The following SLCO3A1 variants were observed in gnomAD, a reference collection of about 807,000 sequenced individuals.
The protein encoded by SLCO3A1 is PGE1 transporter.
A neutral mutation model predicts 63.1 loss-of-function variants in SLCO3A1; 27 were observed. The observed-to-expected ratio is 0.43, with a 90% CI of 0.32 to 0.59. The LOEUF is 0.59. Among genes scored for constraint, SLCO3A1 ranks in the 20% least tolerant of loss-of-function variants. The pLI, the probability that SLCO3A1 is intolerant of heterozygous loss-of-function variation, is 0.09. For missense variants in SLCO3A1, 773 were observed against 945.8 expected (o/e 0.82, Z 2.40); for synonymous variants, 473 against 409.9 (o/e 1.15, Z -1.86).
rs1897086115 is a variant in SLCO3A1, at chr15:91,863,103, T to A, written c.180+9015T>A. On this transcript the variant is annotated intron_variant, in intron 1 of 9. Coordinates refer to ENST00000318445, the MANE Select transcript of SLCO3A1 (RefSeq NM_013272.4). This position sits in a 1 kb window ranked among gnomAD's most constrained non-coding sequence, Gnocchi z 4.3. The stretch of plus-strand genomic sequence containing the variant: ...GAATTCCCTTAATGAAGATGAAAAT[T>A]TCTAAGCAGCATGGACCCATATGTG... 6.6e-6 allele frequency among the ~76,000 whole-genome samples: 1 copy of A among 152,242 alleles called. No homozygotes were observed. Among genetic ancestry groups the A allele is most frequent in the Non-Finnish European group, 1.5e-5 (1 of 68,042 alleles).
intron 1 of SLCO3A1, among the ~76,000 whole-genome samples, chr15:91,898,247 A>G (rs755218475): frequency 6.6e-6 from 1 of 152,230 alleles, no homozygotes; most frequent in Non-Finnish European, 1.5e-5. Flanking sequence ...ACTGAGGTAA[A>G]GAAGGCCTTG....
In SLCO3A1 at chr15:91,940,516, G is replaced by A. The variant is rs151116127; in HGVS notation, c.646+24058G>A. 7.7e-3 allele frequency among the ~76,000 whole-genome samples: 1,172 copies of A among 152,322 alleles called. 12 individuals carry two copies. Among genetic ancestry groups the A allele is most frequent in the African/African-American group, 0.026 (1,071 of 41,574 alleles). On this transcript the variant is annotated intron_variant, in intron 2 of 9. Coordinates refer to ENST00000318445, the MANE Select transcript of SLCO3A1 (RefSeq NM_013272.4). Reference sequence around the variant, plus strand: ...TTTCTGTGCTTACAGAAATGAATCAGTTGGCATAGTGAATTTCAAATCAGT... The same window carrying A: ...TTTCTGTGCTTACAGAAATGAATCAATTGGCATAGTGAATTTCAAATCAGT...
chr15:91,945,557 G>C (rs1649290160), intron 2 of SLCO3A1, among the ~76,000 whole-genome samples: 1 of 152,212 alleles, frequency 6.6e-6, no homozygotes, highest in Non-Finnish European at 1.5e-5. Flanking sequence ...CATATGCAAA[G>C]GTCCTGTGGC....
intron 2 of SLCO3A1, among the ~76,000 whole-genome samples, chr15:92,000,829 C>G (rs1327603420): frequency 6.6e-6 from 1 of 152,176 alleles, no homozygotes; most frequent in Non-Finnish European, 1.5e-5. Flanking sequence ...CCTGTGTGCA[C>G]ACACGCTTGT....
chr15:92,026,848 G>A (rs1018607349), intron 2 of SLCO3A1, among the ~76,000 whole-genome samples: 5 of 152,134 alleles, frequency 3.3e-5, no homozygotes, highest in Admixed American at 6.5e-5. Context: ...CAGCATTTTC[G>A]GAGGCCAAGG....
At chr15:92,162,126 C>A (rs1366613960) in intron 9 of SLCO3A1, 1 of 128,714 alleles carries the variant, frequency 7.8e-6, no homozygotes, top group African/African-American at 2.9e-5. Flanking sequence ...ACACACTGTT[C>A]TAGATGCTTT....
chr15:92,068,500 T>C (rs2047177917), intron 2 of SLCO3A1, among the ~76,000 whole-genome samples: 1 of 152,206 alleles, frequency 6.6e-6, no homozygotes, highest in Admixed American at 6.5e-5. Context: ...CCACTTCATA[T>C]TGCAAACCTG....
chr15:91,883,023 A>C lies in SLCO3A1; in HGVS notation c.180+28935A>C, dbSNP rs930035561. On this transcript the variant is annotated intron_variant, in intron 1 of 9. Coordinates refer to ENST00000318445, the MANE Select transcript of SLCO3A1 (RefSeq NM_013272.4). This position sits in a 1 kb window ranked among gnomAD's most constrained non-coding sequence, Gnocchi z 4.8. The stretch of plus-strand genomic sequence containing the variant: ...TGGGACAGCAGCCACCATGCAAGCC[A>C]GGCAGGCGCCATCCACTGTAAACAG... Among the ~76,000 whole-genome samples the C allele has an allele frequency of 5.9e-5, 9 of 152,230 alleles. No homozygotes were observed. Among genetic ancestry groups the C allele is most frequent in the African/African-American group, 2.2e-4 (9 of 41,454 alleles).
chr15:91,951,568 T>C (rs1461687548), intron 2 of SLCO3A1, among the ~76,000 whole-genome samples: 1 of 151,242 alleles, frequency 6.6e-6, no homozygotes, highest in Non-Finnish European at 1.5e-5. Context: ...CTTTTTTTTT[T>C]TTTTTGAGAC....
intron 2 of SLCO3A1, among the ~76,000 whole-genome samples, chr15:92,077,032 C>T (rs1042554152): frequency 1.3e-5 from 2 of 152,210 alleles, no homozygotes; most frequent in African/African-American, 4.8e-5. Context: ...GAAGCAATCA[C>T]TTCCTTCTTC....
At chr15:91,974,661 A>G (rs1473672157) in intron 2 of SLCO3A1, among the ~76,000 whole-genome samples, 1 of 152,156 alleles carries the variant, frequency 6.6e-6, no homozygotes, top group African/African-American at 2.4e-5. Context: ...CCCAGGGAGC[A>G]GAGAATTGGG....
chr15:91,920,246 G>A (rs1280678810), intron 2 of SLCO3A1, among the ~76,000 whole-genome samples: 5 of 152,296 alleles, frequency 3.3e-5, no homozygotes, highest in Non-Finnish European at 5.9e-5. Context: ...GTATGTCTGG[G>A]ATCTGCTCAC....
intron 2 of SLCO3A1, among the ~76,000 whole-genome samples, chr15:91,928,276 C>G (rs1378861849): frequency 6.6e-6 from 1 of 152,226 alleles, no homozygotes; most frequent in African/African-American, 2.4e-5. Context: ...GCTGTTATGA[C>G]ATACAGACAA....
intron 5 of SLCO3A1, among the ~76,000 whole-genome samples, chr15:92,125,145 C>G (rs570899066): frequency 6.6e-6 from 1 of 152,284 alleles, no homozygotes; most frequent in East Asian, 1.9e-4. Flanking sequence ...TTTGCATTCC[C>G]TTAGCACATA....
At chr15:92,029,968 T>C (rs1030081107) in intron 2 of SLCO3A1, among the ~76,000 whole-genome samples, 1 of 152,096 alleles carries the variant, frequency 6.6e-6, no homozygotes, top group Non-Finnish European at 1.5e-5. Context: ...GCCTGCCGGC[T>C]CAGTCTGGCT....
chr15:92,055,798 T>C (rs769565809), intron 2 of SLCO3A1, among the ~76,000 whole-genome samples: 3 of 152,196 alleles, frequency 2.0e-5, no homozygotes, highest in African/African-American at 7.2e-5. Context: ...CGTTGTCACA[T>C]GAGATTCACC....
intron 1 of SLCO3A1, among the ~76,000 whole-genome samples, chr15:91,890,834 T>C (rs961225895): frequency 6.6e-6 from 1 of 152,210 alleles, no homozygotes. Flanking sequence ...GACTCACTGA[T>C]GCCTCACTAC....
At chr15:92,097,536 T>A (rs977989467) in intron 3 of SLCO3A1, among the ~76,000 whole-genome samples, 3 of 152,222 alleles carry the variant, frequency 2.0e-5, no homozygotes, top group Admixed American at 6.5e-5. Flanking sequence ...TGGAGCGGTG[T>A]GATCCATGGT....
intron 2 of SLCO3A1, among the ~76,000 whole-genome samples, chr15:92,067,517 G>A (rs982814369): frequency 2.6e-5 from 4 of 152,328 alleles, no homozygotes; most frequent in African/African-American, 4.8e-5. Context: ...AAATGCACTA[G>A]ACTTCTTACA....
Sources: gnomAD v4.1 joint callset for allele counts (sites outside exome capture counted in the v4.1 genomes callset) on GRCh38, gnomAD v4.1.1 for gene constraint, Gnocchi (gnomAD v3.1) non-coding constraint, MANE v1.5 for transcripts, NCBI Gene and HGNC (gene_info 2026-07-23, HGNC 2026-07-21) for gene names.